Variants in DNAJC13 observed in about 807,000 individuals in gnomAD.
DNAJC13 encodes DnaJ heat shock protein family (Hsp40) member C13.
Under a neutral mutation model 290.5 loss-of-function variants are expected in DNAJC13, and 75 were observed. That is an observed-to-expected ratio of 0.26 (90% CI 0.21 to 0.31). The LOEUF is 0.31. Ranked by LOEUF, DNAJC13 falls within the 10% of genes least tolerant of loss-of-function variation. The probability of loss-of-function intolerance (pLI) is 1.00; values close to 1 mark genes in which losing one functional copy is unlikely to be tolerated. For synonymous variants in DNAJC13, 862 were observed against 892.0 expected, an observed-to-expected ratio of 0.97 and a Z score of 0.60; for missense variants, 2,260 against 2,674.5, an observed-to-expected ratio of 0.85 and a Z score of 3.42.
intron 55 of DNAJC13, among the ~76,000 whole-genome samples, chr3:132,535,023 A>C (rs756953318): frequency 3.3e-5 from 5 of 152,260 alleles, no homozygotes; most frequent in Non-Finnish European, 7.3e-5. Flanking sequence ...CCCAAACTTC[A>C]GAAGATACAG....
chr3:132,523,261 T>G, intron 50 of DNAJC13, 62 bp downstream of exon 50: 13 of 1,573,798 alleles, frequency 8.3e-6, no homozygotes, highest in Non-Finnish European at 1.0e-5. Flanking sequence ...CACTTTCTAC[T>G]GAGTCAGTTT....
chr3:132,475,194 T>C, intron 22 of DNAJC13, 109 bp downstream of exon 22: 1 of 739,588 alleles, frequency 1.4e-6, no homozygotes. Flanking sequence ...TCTTTACCTT[T>C]CCCCCTTTAA....
Position 132,417,739 on chromosome 3 carries a change from G to A in DNAJC13, c.-35G>A, listed in dbSNP as rs1206055125. On this transcript the variant is annotated 5_prime_UTR_variant, in exon 1 of 56. Transcript: ENST00000260818. The stretch of plus-strand genomic sequence containing the variant: ...GGCGGCGGGAGGAGCTAGGGCTGGA[G>A]CCTCTCCAGCCTCCCGCGAAGGTAA... 1 of 152,628 alleles carries A rather than the reference G, an allele frequency of 6.6e-6. No individual in the cohort carries two copies. The highest frequency in any genetic ancestry group is 2.4e-5 in the African/African-American group (1 of 41,460). The allele number at this position is 152,628 out of a possible 1,614,324, so 9.5% of individuals were successfully genotyped here. A position where few individuals can be genotyped will look rare whatever the true frequency, so the allele number is the denominator to read the frequency against.
At chr3:132,529,222 A>G (rs552423594) in intron 54 of DNAJC13, among the ~76,000 whole-genome samples, 8 of 152,206 alleles carry the variant, frequency 5.3e-5, no homozygotes, top group South Asian at 2.1e-4. Flanking sequence ...CTTTGTGTCT[A>G]TCTTGTCATT....
chr3:132,449,920 C>T (rs138795214), intron 5 of DNAJC13, among the ~76,000 whole-genome samples: 119 of 152,102 alleles, frequency 7.8e-4, no homozygotes, highest in Non-Finnish European at 1.4e-3. Context: ...TTTCTTCTTC[C>T]GTATCGCATC....
At position 132,450,861 on chromosome 3, in the gene DNAJC13, TAAA is replaced by T; in HGVS notation, c.537+24_537+26del. ...TTTAGTAGATTGGTAAGTACTATTT[TAAA>T]AAAAAAAAACACTTTAAAAGGGTCA... On this transcript the variant is annotated intron_variant, in intron 6 of 55. Transcript: ENST00000260818. 1 of 1,133,656 alleles carries T rather than the reference TAAA, an allele frequency of 8.8e-7. No homozygotes were observed. The highest frequency in any genetic ancestry group is 1.2e-6 in the Non-Finnish European group (1 of 826,406). 70.2% of individuals were successfully genotyped at this position (1,133,656 alleles called of 1,614,324 possible).
In DNAJC13 at chr3:132,467,844, T is replaced by G. The variant is rs187162427; in HGVS notation, c.2208+531T>G. 2.0e-3 allele frequency among the ~76,000 whole-genome samples: 304 copies of G among 152,326 alleles called. 3 individuals are homozygous for G. Among genetic ancestry groups the G allele is most frequent in the South Asian group, 8.3e-4 (4 of 4,832 alleles). On this transcript the variant is annotated intron_variant, in intron 20 of 55. Coordinates refer to ENST00000260818, the MANE Select transcript of DNAJC13 (RefSeq NM_015268.4). ...GTTTTATGAGTTGATGATTAGGTTT[T>G]TATTTTGGTATTTAATATAGAATTC... is the stretch of plus-strand genomic sequence containing the variant.
Position 132,513,058 on chromosome 3 carries a change from C to T in DNAJC13, c.5344C>T (p.Arg1782Ter), listed in dbSNP as rs950961308. ...GHFKLIFSLL[R>*]VHGAGQVQQL... ...CTTTAAGTTGATATTTTCTCTTCTC[C>T]GAGTTCATGGAGCTGGTCAAGTGCA... The change falls in exon 45 of 56, where the codon CGA becomes TGA. Residue 1782 changes from arginine to a stop codon, truncating the protein, a stop_gained. Transcript: ENST00000260818. LOFTEE classifies it high-confidence loss of function. 3.7e-6 allele frequency: 6 copies of T among 1,613,136 alleles called. No individual in the cohort carries two copies. Among genetic ancestry groups the T allele is most frequent in the Non-Finnish European group, 5.1e-6 (6 of 1,179,414 alleles).
chr3:132,491,282 A>G (rs942552189), intron 32 of DNAJC13, among the ~76,000 whole-genome samples: 1 of 152,152 alleles, frequency 6.6e-6, no homozygotes, highest in African/African-American at 2.4e-5. Flanking sequence ...ATATAATGGT[A>G]GGGCCTACCA....
At position 132,456,373 on chromosome 3, in the gene DNAJC13, T is replaced by C; in HGVS notation, c.1071T>C (p.Leu357=). Residue 357 remains leucine, a synonymous_variant, in exon 10 of 56, where the codon CTT becomes CTC. Coordinates refer to ENST00000260818, the MANE Select transcript of DNAJC13 (RefSeq NM_015268.4). ...SMPVDEEVES[L]HLRFLATPPN... is the part of the protein sequence containing the mutation. ...CTGTTGATGAGGAAGTAGAGAGCCT[T>C]CACCTCAGGTTCTTAGCTACGCCTC... 1 of 1,613,566 alleles carries C rather than the reference T, an allele frequency of 6.2e-7. No homozygotes were observed. Among genetic ancestry groups the C allele is most frequent in the East Asian group, 2.2e-5 (1 of 44,886 alleles).
chr3:132,485,145 T>G (rs1423451801), intron 29 of DNAJC13, among the ~76,000 whole-genome samples: 1 of 152,086 alleles, frequency 6.6e-6, no homozygotes, highest in Non-Finnish European at 1.5e-5. Flanking sequence ...TTTTTATTTT[T>G]TTTTATTTTT....
chr3:132,503,441 A>ATATTGCAATAATATTGCAAT, intron 41 of DNAJC13, 60 bp downstream of exon 41: 9 of 1,577,950 alleles, frequency 5.7e-6, no homozygotes, highest in Non-Finnish European at 7.8e-6. Context: ...TTAAGCAGTA[A>ATATTGCAATAATATTGCAAT]AGTAGTACAA....
chr3:132,492,618 A>G lies in DNAJC13; in HGVS notation c.3825+3A>G, dbSNP rs1935098106. On this transcript the variant is annotated splice_donor_region_variant and intron_variant, in intron 33 of 55. Coordinates refer to ENST00000260818, the MANE Select transcript of DNAJC13 (RefSeq NM_015268.4). ...CAGATTGGCCAATTAAAGACCCGGT[A>G]AGTCAGCAGTTTAATTTGTGCCACC... The G allele has an allele frequency of 6.2e-7, 1 of 1,612,962 alleles. No individual in the cohort carries two copies. Among genetic ancestry groups the G allele is most frequent in the Non-Finnish European group, 8.5e-7 (1 of 1,179,434 alleles).
At position 132,462,485 on chromosome 3, in the gene DNAJC13, A is replaced by G. The variant is rs146480666; in HGVS notation, c.1732A>G (p.Ile578Val). The change falls in exon 16 of 56, where the codon ATA becomes GTA. Residue 578 changes from isoleucine (I) to valine (V), a missense_variant. By Grantham distance (29) the Ile-to-Val change is conservative. Around this residue, in one of 3 missense-constraint regions of DNAJC13, gnomAD observed 762 missense variants for 964.1 expected, o/e 0.79. Coordinates refer to ENST00000260818, the MANE Select transcript of DNAJC13 (RefSeq NM_015268.4). The part of the protein sequence containing the change: ...KLFQHPSMAI[I>V]KGAGLVMKAI... Reference sequence around the variant, plus strand: ...TTTAAAGCATCCTTCCATGGCAATAATAAAAGGAGCTGGGTTGGTTATGAA... The same window carrying G: ...TTTAAAGCATCCTTCCATGGCAATAGTAAAAGGAGCTGGGTTGGTTATGAA... 10 of 1,609,370 alleles carry G rather than the reference A, an allele frequency of 6.2e-6. No individual in the cohort carries two copies. In the Admixed American group the frequency reaches 1.0e-4, roughly 16 times the overall value.
chr3:132,477,589 A>G (rs556723562), intron 22 of DNAJC13, among the ~76,000 whole-genome samples, 200 bp from the exon 23 acceptor site: 1 of 152,164 alleles, frequency 6.6e-6, no homozygotes, highest in African/African-American at 2.4e-5. Context: ...TGCTGTGACA[A>G]TTTTTATCAG....
intron 2 of DNAJC13, among the ~76,000 whole-genome samples, chr3:132,435,454 G>A (rs965706378): frequency 6.6e-6 from 1 of 152,150 alleles, no homozygotes; most frequent in African/African-American, 2.4e-5. Context: ...TTTAGTCACT[G>A]GAGTGGTAAC....
In DNAJC13 at chr3:132,488,968, C is replaced by A; in HGVS notation, c.3423-8C>A. The A allele has an allele frequency of 6.3e-7, 1 of 1,599,188 alleles. No homozygotes were observed. The highest frequency in any genetic ancestry group is 8.6e-7 in the Non-Finnish European group (1 of 1,168,114). On this transcript the variant is annotated splice_region_variant and splice_polypyrimidine_tract_variant and intron_variant, in intron 30 of 55. Transcript: ENST00000260818. ...TATATCTGATAGATAATTCATTTTT[C>A]TTTCTAGATTTTTGAAATACACACA...
Position 132,504,507 on chromosome 3 carries a change from A to C in DNAJC13, c.4885-795A>C, listed in dbSNP as rs1935526130. Reference sequence around the variant, plus strand: ...AACCTTTATAGCCACCCCCACTAAAAATTTTTTATAGCATTTCAAAATTAA... The same window carrying C: ...AACCTTTATAGCCACCCCCACTAAACATTTTTTATAGCATTTCAAAATTAA... On this transcript the variant is annotated intron_variant, in intron 41 of 55. Coordinates refer to ENST00000260818, the MANE Select transcript of DNAJC13 (RefSeq NM_015268.4). 1.3e-5 allele frequency among the ~76,000 whole-genome samples: 2 copies of C among 152,014 alleles called. 1 individual carries two copies. Among genetic ancestry groups the C allele is most frequent in the Non-Finnish European group, 2.9e-5 (2 of 67,984 alleles).
At chr3:132,472,231 AG>A (rs1934304588) in intron 20 of DNAJC13, among the ~76,000 whole-genome samples, 1 of 152,100 alleles carries the variant, frequency 6.6e-6, no homozygotes, top group African/African-American at 2.4e-5. Flanking sequence ...CCGTGGGGAG[AG>A]GGAGACAGAG....
Sources: allele counts gnomAD v4.1 joint callset (sites outside exome capture counted in the v4.1 genomes callset), GRCh38; gene constraint gnomAD v4.1.1; regional missense constraint gnomAD v4.1.1; transcripts MANE v1.5; gene names NCBI Gene and HGNC (gene_info 2026-07-23, HGNC 2026-07-21).